GCA: variants seen among roughly 807,000 people sequenced by gnomAD.
GCA encodes grancalcin.
GCA carries 30 observed loss-of-function variants against 32.6 expected under a neutral mutation model. The observed-to-expected ratio is 0.92, with a 90% CI of 0.69 to 1.25. The LOEUF (loss-of-function observed/expected upper bound fraction) is 1.25, where lower values mean the gene tolerates loss of function less well. Among genes scored for constraint, GCA ranks in the 50% most tolerant of loss-of-function variants. GCA has a pLI of 0.00. For synonymous variants in GCA, 102 were observed against 84.6 expected (o/e 1.21, Z -1.13); for missense variants, 291 against 266.8 (o/e 1.09, Z -0.63).
At chr2:162,341,406 G>A (rs149075383), upstream of GCA, among the ~76,000 whole-genome samples, 15 of 150,966 alleles carry the variant, frequency 9.9e-5, no homozygotes, top group African/African-American at 2.7e-4. Flanking sequence ...AAAATGAGGT[G>A]GCAACAGATA....
intron 1 of GCA, among the ~76,000 whole-genome samples, chr2:162,344,774 CG>C (rs1326917637): frequency 1.3e-5 from 2 of 152,128 alleles, no homozygotes; most frequent in Non-Finnish European, 2.9e-5. Flanking sequence ...CGCCCCCAGG[CG>C]GGGGGAAGTT....
chr2:162,330,394 G>A (rs952188208), intron 1 of GCA, among the ~76,000 whole-genome samples: 5 of 152,170 alleles, frequency 3.3e-5, no homozygotes, highest in South Asian at 2.1e-4. Context: ...GTAAGGCAAC[G>A]CTGCAGTAGG....
At chr2:162,325,339 G>A (rs1438909877) in intron 1 of GCA, among the ~76,000 whole-genome samples, 1 of 152,094 alleles carries the variant, frequency 6.6e-6, no homozygotes, top group Non-Finnish European at 1.5e-5. Context: ...TATTATAAAA[G>A]ACCAAGGTGT....
intron 1 of GCA, among the ~76,000 whole-genome samples, chr2:162,330,282 C>T (rs186269152): frequency 6.6e-6 from 1 of 152,328 alleles, no homozygotes; most frequent in East Asian, 1.9e-4. Flanking sequence ...CTAATTTACA[C>T]TCCCACCAAC....
intron 1 of GCA, among the ~76,000 whole-genome samples, chr2:162,330,819 C>T (rs1218478651): frequency 6.6e-6 from 1 of 152,182 alleles, no homozygotes; most frequent in Non-Finnish European, 1.5e-5. Context: ...TATAAAGTCA[C>T]TATAAGCACT....
intron 1 of GCA, among the ~76,000 whole-genome samples, chr2:162,320,232 G>T (rs575359598): frequency 1.3e-5 from 2 of 152,274 alleles, no homozygotes; most frequent in African/African-American, 4.8e-5. Flanking sequence ...TTTCTTCACA[G>T]AACCCTACTC....
At chr2:162,367,951 A>C (rs1685809268), downstream of GCA, among the ~76,000 whole-genome samples, 1 of 151,980 alleles carries the variant, frequency 6.6e-6, no homozygotes, top group Non-Finnish European at 1.5e-5. Context: ...TATTGATGAA[A>C]AAACTGGTAT....
At chr2:162,339,779 A>G (rs1684380796), upstream of GCA, among the ~76,000 whole-genome samples, 1 of 152,188 alleles carries the variant, frequency 6.6e-6, no homozygotes, top group Non-Finnish European at 1.5e-5. Context: ...CCAGGCACTG[A>G]CCTTGTGGGC....
In GCA at chr2:162,331,357, A is replaced by G. The variant is rs112998622; in HGVS notation, c.-31+12132A>G. 3.6e-3 allele frequency among the ~76,000 whole-genome samples: 547 copies of G among 152,220 alleles called. 2 individuals are homozygous for G. Among genetic ancestry groups the G allele is most frequent in the African/African-American group, 0.013 (519 of 41,440 alleles). On this transcript the variant is annotated intron_variant, in intron 1 of 4. Coordinates refer to the GCA transcript ENST00000429691. The stretch of plus-strand genomic sequence containing the variant: ...GGGTTACAAATAAGTATCAGCAAGT[A>G]ACTGAATTCACACATATGAAACCCA...
chr2:162,328,267 C>A (rs1008865878), intron 1 of GCA, among the ~76,000 whole-genome samples: 1 of 151,142 alleles, frequency 6.6e-6, no homozygotes, highest in Non-Finnish European at 1.5e-5. Context: ...TGGCATGTGC[C>A]TGTAATCACA....
intron 1 of GCA, among the ~76,000 whole-genome samples, chr2:162,345,322 A>C (rs1325734741): frequency 1.3e-5 from 2 of 152,212 alleles, no homozygotes; most frequent in African/African-American, 2.4e-5. Flanking sequence ...AAGGTACCTA[A>C]GGAAAGTAAA....
chr2:162,358,112 T>C (rs1029449340), intron 5 of GCA, among the ~76,000 whole-genome samples: 1 of 151,596 alleles, frequency 6.6e-6, no homozygotes, highest in Non-Finnish European at 1.5e-5. Context: ...TTTGGTTGTT[T>C]TCACCTTTGA....
intron 1 of GCA, chr2:162,319,357 G>A (rs1683585079): frequency 6.4e-5 from 24 of 374,670 alleles, no homozygotes; most frequent in South Asian, 4.6e-4. Context: ...ACTCAGCTTA[G>A]AAGGAAGCCA....
chr2:162,341,267 T>TTATATATATATATATATATATA (rs3052040), upstream of GCA, among the ~76,000 whole-genome samples: 13 of 116,244 alleles, frequency 1.1e-4, no homozygotes, highest in African/African-American at 2.2e-4. Context: ...CTTATTTATT[T>TTATATATATATATATATATATA]TATATATATA....
chr2:162,343,406 T>C (rs1391202774), upstream of GCA, among the ~76,000 whole-genome samples: 1 of 152,256 alleles, frequency 6.6e-6, no homozygotes, highest in Non-Finnish European at 1.5e-5. Context: ...GGACACCGTC[T>C]ATATTATCAG....
At chr2:162,356,317 TGTG>T in intron 3 of GCA, 118 bp from the exon 4 acceptor site, 1 of 674,192 alleles carries the variant, frequency 1.5e-6, no homozygotes, top group Non-Finnish European at 2.7e-6. Context: ...GCTTGTTGAT[TGTG>T]GTGATTTTAT....
At chr2:162,355,007 T>G (rs1314661459) in intron 3 of GCA, among the ~76,000 whole-genome samples, 2 of 152,192 alleles carry the variant, frequency 1.3e-5, no homozygotes, top group Non-Finnish European at 2.9e-5. Context: ...ATTCGGATTC[T>G]CCCACTTTAT....
At chr2:162,332,877 A>AGG (rs1684146988) in intron 1 of GCA, among the ~76,000 whole-genome samples, 1 of 152,100 alleles carries the variant, frequency 6.6e-6, no homozygotes, top group Admixed American at 6.5e-5. Flanking sequence ...TGTGATGGAG[A>AGG]GAGGCTCAAT....
At chr2:162,334,009 G>A (rs532555486) in intron 1 of GCA, among the ~76,000 whole-genome samples, 1 of 152,284 alleles carries the variant, frequency 6.6e-6, no homozygotes, top group Non-Finnish European at 1.5e-5. Flanking sequence ...ATGATATGGT[G>A]TCTCCTTTGA....
Sources: gnomAD v4.1 joint callset for allele counts (sites outside exome capture counted in the v4.1 genomes callset) on GRCh38, gnomAD v4.1.1 for gene constraint, MANE v1.5 for transcripts, NCBI Gene and HGNC (gene_info 2026-07-23, HGNC 2026-07-21) for gene names.